ABTB2: variants seen among roughly 807,000 people sequenced by gnomAD.
The protein encoded by ABTB2 is ankyrin repeat and BTB/POZ domain-containing protein 2.
In ABTB2, 56 loss-of-function variants were observed where a neutral mutation model predicts 104.1. That is an observed-to-expected ratio of 0.54 (90% confidence interval 0.43 to 0.67). The LOEUF (loss-of-function observed/expected upper bound fraction) is 0.67, where lower values mean the gene tolerates loss of function less well. Among genes scored for constraint, ABTB2 ranks in the 30% least tolerant of loss-of-function variants. ABTB2 has a pLI of 0.00. For missense variants in ABTB2, 1,279 were observed against 1,407.7 expected, an observed-to-expected ratio of 0.91 and a Z score of 1.46; for synonymous variants, 606 against 608.2, an observed-to-expected ratio of 1.00 and a Z score of 0.05.
chr11:34,175,796 C>G (rs1852953047), intron 3 of ABTB2, among the ~76,000 whole-genome samples: 1 of 152,216 alleles, frequency 6.6e-6, no homozygotes, highest in African/African-American at 2.4e-5. Context: ...TATCTCCTGC[C>G]GTGACTCACC....
At chr11:34,195,819 TG>T (rs1399431975) in intron 3 of ABTB2, among the ~76,000 whole-genome samples, 4 of 152,208 alleles carry the variant, frequency 2.6e-5, no homozygotes, top group Non-Finnish European at 5.9e-5. Context: ...CTTTGTTTTC[TG>T]GGGCACTGAG....
chr11:34,243,826 C>G (rs1168717651), intron 1 of ABTB2, among the ~76,000 whole-genome samples: 1 of 152,174 alleles, frequency 6.6e-6, no homozygotes, highest in Non-Finnish European at 1.5e-5. Context: ...CAGACACACC[C>G]CAGCCCTGGG....
chr11:34,296,381 T>G (rs1854623532), intron 1 of ABTB2, among the ~76,000 whole-genome samples: 1 of 151,998 alleles, frequency 6.6e-6, no homozygotes, highest in South Asian at 2.1e-4. Context: ...ACTAGAGTGT[T>G]AGGACCAAGA....
At chr11:34,301,515 GAAGGCCTAGCCTCAAC>G (rs1854705854) in intron 1 of ABTB2, among the ~76,000 whole-genome samples, 1 of 152,200 alleles carries the variant, frequency 6.6e-6, no homozygotes, top group South Asian at 2.1e-4. Context: ...AACAAAGCAT[GAAGGCCTAGCCTCAAC>G]ACTGAAAGAA....
intron 1 of ABTB2, among the ~76,000 whole-genome samples, chr11:34,325,205 G>C (rs533128199): frequency 6.6e-6 from 1 of 152,274 alleles, no homozygotes; most frequent in African/African-American, 2.4e-5. Flanking sequence ...ATTTACAGGA[G>C]GATAGGAAAA....
chr11:34,223,969 G>A (rs552025163), intron 1 of ABTB2, among the ~76,000 whole-genome samples: 61 of 152,094 alleles, frequency 4.0e-4, no homozygotes, highest in African/African-American at 1.4e-3. Context: ...ACAACTTCAG[G>A]GTATGCTGTG....
At chr11:34,178,241 C>T (rs1852980465) in intron 3 of ABTB2, among the ~76,000 whole-genome samples, 1 of 152,172 alleles carries the variant, frequency 6.6e-6, no homozygotes, top group South Asian at 2.1e-4. Flanking sequence ...AAACTGATCC[C>T]TTCAGGCCTT....
intron 5 of ABTB2, 136 bp downstream of exon 5, chr11:34,170,770 C>G (rs1852861873): frequency 1.9e-6 from 2 of 1,064,442 alleles, no homozygotes; most frequent in South Asian, 3.5e-5. Flanking sequence ...GGGCAGGATT[C>G]AGGGAGGTAG....
intron 3 of ABTB2, 53 bp downstream of exon 3, chr11:34,197,272 T>C (rs1036416856): frequency 2.5e-6 from 4 of 1,582,310 alleles, no homozygotes; most frequent in Non-Finnish European, 3.5e-6. Flanking sequence ...AGTCGGTCAA[T>C]GCACGTTTGG....
At chr11:34,290,412 T>G (rs902802742) in intron 1 of ABTB2, among the ~76,000 whole-genome samples, 1 of 152,226 alleles carries the variant, frequency 6.6e-6, no homozygotes, top group African/African-American at 2.4e-5. Context: ...GGAAAATACT[T>G]GGTAAACTTT....
intron 1 of ABTB2, among the ~76,000 whole-genome samples, chr11:34,216,209 C>T (rs1248552868): frequency 6.6e-6 from 1 of 152,154 alleles, no homozygotes; most frequent in Non-Finnish European, 1.5e-5. Context: ...CTAAGGATCT[C>T]TAAGCCAGAC....
At chr11:34,229,258 G>A (rs1160564899) in intron 1 of ABTB2, among the ~76,000 whole-genome samples, 4 of 151,826 alleles carry the variant, frequency 2.6e-5, no homozygotes, top group East Asian at 1.9e-4. Flanking sequence ...CGAGGTGGGC[G>A]GATCACAAAG....
At chr11:34,310,189 A>T (rs1199232359) in intron 1 of ABTB2, among the ~76,000 whole-genome samples, 1 of 152,178 alleles carries the variant, frequency 6.6e-6, no homozygotes, top group Non-Finnish European at 1.5e-5. Flanking sequence ...GTAATCCCTC[A>T]TCCATATGCA....
At chr11:34,294,354 A>G (rs1250428431) in intron 1 of ABTB2, among the ~76,000 whole-genome samples, 2 of 152,144 alleles carry the variant, frequency 1.3e-5, no homozygotes, top group Admixed American at 1.3e-4. Flanking sequence ...AGATCAAGAA[A>G]GAAGTGACAA....
intron 1 of ABTB2, among the ~76,000 whole-genome samples, chr11:34,304,955 C>T (rs1196588685): frequency 1.3e-5 from 2 of 152,190 alleles, no homozygotes; most frequent in African/African-American, 2.4e-5. Context: ...CAGTGTAATT[C>T]ATGGACCACT....
Position 34,306,724 on chromosome 11 carries a change from TA to T in ABTB2, c.883+49976del, listed in dbSNP as rs56161447. Among the ~76,000 whole-genome samples, 972 of 147,960 alleles carry T rather than the reference TA, an allele frequency of 6.6e-3. 12 individuals are homozygous for T. Among genetic ancestry groups the T allele is most frequent in the African/African-American group, 0.022 (887 of 40,562 alleles). ...GGGTGACACAGTGAGACCCTGTCTCTAAAAAAAAAATAAGTAAAACCGAGAA... is the reference window on the plus strand; with the variant it reads ...GGGTGACACAGTGAGACCCTGTCTCTAAAAAAAAATAAGTAAAACCGAGAA... On this transcript the variant is annotated intron_variant, in intron 1 of 16. Coordinates refer to ENST00000435224, the MANE Select transcript of ABTB2 (RefSeq NM_145804.3).
chr11:34,343,630 A>G (rs1471077467), intron 1 of ABTB2, among the ~76,000 whole-genome samples: 59 of 138,514 alleles, frequency 4.3e-4, no homozygotes, highest in Non-Finnish European at 7.1e-4. Context: ...GCCTGCCACC[A>G]CACCGCCTCA....
intron 1 of ABTB2, among the ~76,000 whole-genome samples, chr11:34,341,195 G>C (rs1855258069): frequency 6.6e-6 from 1 of 152,174 alleles, no homozygotes; most frequent in Non-Finnish European, 1.5e-5. Flanking sequence ...ATCCCTGGGA[G>C]GTATTTTTTA....
In ABTB2 at chr11:34,152,341, C is replaced by T. The variant is rs968064972; in HGVS notation, c.*46G>A. Reference sequence around the variant, plus strand: ...CAACCATACCCCGACATGGTGGGCCCTGGCACCTCCACAGGCCCTGGCCTC... The same window carrying T: ...CAACCATACCCCGACATGGTGGGCCTTGGCACCTCCACAGGCCCTGGCCTC... On this transcript the variant is annotated 3_prime_UTR_variant, in exon 17 of 17. Transcript: ENST00000435224. 2 of 1,528,364 alleles carry T rather than the reference C, an allele frequency of 1.3e-6. No individual in the cohort carries two copies. The highest frequency in any genetic ancestry group is 2.8e-5 in the African/African-American group (2 of 72,712). The allele number at this position is 1,528,364 out of a possible 1,614,324, so 94.7% of individuals were successfully genotyped here. A position where few individuals can be genotyped will look rare whatever the true frequency, so the allele number is the denominator to read the frequency against.
Sources: gnomAD v4.1 joint callset for allele counts (sites outside exome capture counted in the v4.1 genomes callset) on GRCh38, gnomAD v4.1.1 for gene constraint, MANE v1.5 for transcripts, NCBI Gene and HGNC (gene_info 2026-07-23, HGNC 2026-07-21) for gene names.